Variants in THSD7B observed in about 807,000 individuals in gnomAD.
THSD7B encodes thrombospondin type-1 domain-containing protein 7B.
A neutral mutation model predicts 213.6 loss-of-function variants in THSD7B; 138 were observed. The observed-to-expected ratio is 0.65, with a 90% CI of 0.56 to 0.74. The LOEUF (loss-of-function observed/expected upper bound fraction) is 0.74. THSD7B is among the 30% of genes least tolerant of loss of function. The probability of loss-of-function intolerance (pLI) is 0.00; values close to 1 mark genes in which losing one functional copy is unlikely to be tolerated. For synonymous variants in THSD7B, 742 were observed against 687.0 expected, an observed-to-expected ratio of 1.08 and a Z score of -1.25; for missense variants, 1,931 against 1,991.5, an observed-to-expected ratio of 0.97 and a Z score of 0.58.
chr2:137,492,407 T>G (rs189729027), intron 15 of THSD7B, among the ~76,000 whole-genome samples: 3 of 152,264 alleles, frequency 2.0e-5, no homozygotes, highest in African/African-American at 7.2e-5. Flanking sequence ...CACCTCTACT[T>G]TTGTGTCAAC....
intron 15 of THSD7B, among the ~76,000 whole-genome samples, chr2:137,551,715 G>A (rs1218941482): frequency 6.6e-6 from 1 of 152,078 alleles, no homozygotes. Flanking sequence ...AACACATAAT[G>A]CATATTAAAA....
chr2:136,958,873 G>C (rs940015613), intron 2 of THSD7B, among the ~76,000 whole-genome samples: 9 of 152,100 alleles, frequency 5.9e-5, no homozygotes, highest in Non-Finnish European at 1.0e-4. Context: ...GGTACTTTCA[G>C]ACCTTTGAAT....
At chr2:137,413,972 G>A (rs1686732519) in intron 14 of THSD7B, among the ~76,000 whole-genome samples, 1 of 152,160 alleles carries the variant, frequency 6.6e-6, no homozygotes, top group East Asian at 1.9e-4. Context: ...AGATAGAATT[G>A]ACAAGATTAT....
chr2:137,097,289 T>C (rs1248296844), intron 4 of THSD7B, among the ~76,000 whole-genome samples: 3 of 152,212 alleles, frequency 2.0e-5, no homozygotes, highest in African/African-American at 7.2e-5. Context: ...CTGTCAATGC[T>C]AAGAAAACTG....
chr2:137,031,867 G>A (rs1390111810), intron 2 of THSD7B, among the ~76,000 whole-genome samples: 2 of 145,552 alleles, frequency 1.4e-5, no homozygotes, highest in African/African-American at 2.5e-5. Context: ...TAGGGGATAA[G>A]GTTTTGCTCT....
intron 2 of THSD7B, among the ~76,000 whole-genome samples, chr2:136,968,043 A>G (rs1318276927): frequency 1.3e-5 from 2 of 151,992 alleles, no homozygotes; most frequent in Non-Finnish European, 2.9e-5. Flanking sequence ...GATTGTTTTC[A>G]TTTTTATTAT....
intron 12 of THSD7B, among the ~76,000 whole-genome samples, chr2:137,379,176 G>A (rs1322097669): frequency 6.6e-6 from 1 of 152,130 alleles, no homozygotes; most frequent in African/African-American, 2.4e-5. Context: ...TAGGGACTAA[G>A]TATATATCAC....
At chr2:137,118,334 A>G (rs918402948) in intron 5 of THSD7B, among the ~76,000 whole-genome samples, 2 of 152,208 alleles carry the variant, frequency 1.3e-5, no homozygotes, top group Non-Finnish European at 2.9e-5. Flanking sequence ...ACATGAATCA[A>G]GGAATGCACT....
chr2:137,549,665 C>A (rs1680808309), intron 15 of THSD7B, among the ~76,000 whole-genome samples: 1 of 151,996 alleles, frequency 6.6e-6, no homozygotes, highest in South Asian at 2.1e-4. Flanking sequence ...AGTTTTATAA[C>A]CATTGATTAG....
chr2:137,250,851 C>T (rs1682159887), intron 10 of THSD7B, among the ~76,000 whole-genome samples: 1 of 152,148 alleles, frequency 6.6e-6, no homozygotes, highest in Non-Finnish European at 1.5e-5. Context: ...ATCTCTACTG[C>T]TTGCCCAAAT....
At chr2:136,955,799 C>T (rs1334449073) in intron 2 of THSD7B, among the ~76,000 whole-genome samples, 1 of 151,972 alleles carries the variant, frequency 6.6e-6, no homozygotes, top group Non-Finnish European at 1.5e-5. Context: ...ACTACAGGTG[C>T]CTGCCCACCA....
intron 6 of THSD7B, among the ~76,000 whole-genome samples, chr2:137,166,874 G>A (rs1459282932): frequency 6.6e-6 from 1 of 152,108 alleles, no homozygotes; most frequent in Non-Finnish European, 1.5e-5. Flanking sequence ...GGTGGGTGGG[G>A]CGTTCTGTTA....
chr2:137,157,370 TGGG>T (rs1461333030), intron 5 of THSD7B, among the ~76,000 whole-genome samples: 1 of 152,144 alleles, frequency 6.6e-6, no homozygotes, highest in Admixed American at 6.5e-5. Flanking sequence ...TTTTATACCT[TGGG>T]GGATACCTGA....
At chr2:136,829,110 C>T (rs1268910199) in intron 1 of THSD7B, among the ~76,000 whole-genome samples, 1 of 151,402 alleles carries the variant, frequency 6.6e-6, no homozygotes, top group Non-Finnish European at 1.5e-5. Context: ...GAGTTTTCTT[C>T]TAACTACATG....
intron 14 of THSD7B, among the ~76,000 whole-genome samples, chr2:137,432,209 G>A (rs1024682093): frequency 3.3e-5 from 5 of 152,118 alleles, no homozygotes; most frequent in Non-Finnish European, 5.9e-5. Flanking sequence ...TGGCCAACGT[G>A]GTGAAACCCC....
chr2:137,147,844 C>T (rs576690566), intron 5 of THSD7B, among the ~76,000 whole-genome samples: 6 of 152,130 alleles, frequency 3.9e-5, no homozygotes, highest in Non-Finnish European at 7.4e-5. Context: ...CTCAGACATT[C>T]GTATCTCAAC....
intron 16 of THSD7B, among the ~76,000 whole-genome samples, chr2:137,567,627 A>G (rs1681265672): frequency 6.6e-6 from 1 of 152,110 alleles, no homozygotes; most frequent in African/African-American, 2.4e-5. Context: ...TGTAGAACAC[A>G]GAGTTTGGTG....
rs186670625 is a variant in THSD7B at position 137,105,252 on chromosome 2, C to T, written c.1200-9872C>T. Reference sequence around the variant, plus strand: ...TCCCAGGGATGCAAGGCGGATTCAACGTATGCAAATCAATAAACGTAATCC... The same window carrying T: ...TCCCAGGGATGCAAGGCGGATTCAATGTATGCAAATCAATAAACGTAATCC... On this transcript the variant is annotated intron_variant, in intron 4 of 27. Coordinates refer to ENST00000409968, the MANE Select transcript of THSD7B (RefSeq NM_001316349.2). Among the ~76,000 whole-genome samples, 10 of 152,268 alleles carry T rather than the reference C, an allele frequency of 6.6e-5. No individual in the cohort carries two copies. In the South Asian group the frequency reaches 1.0e-3, roughly 16 times the overall value.
At chr2:137,592,831 A>G (rs1681891199) in intron 17 of THSD7B, among the ~76,000 whole-genome samples, 1 of 152,004 alleles carries the variant, frequency 6.6e-6, no homozygotes, top group Non-Finnish European at 1.5e-5. Context: ...CTAGTACACT[A>G]CAGGATCTTT....
Sources: gnomAD v4.1 joint callset for allele counts (sites outside exome capture counted in the v4.1 genomes callset) on GRCh38, gnomAD v4.1.1 for gene constraint, MANE v1.5 for transcripts, NCBI Gene and HGNC (gene_info 2026-07-23, HGNC 2026-07-21) for gene names.